KIRREL3: variants seen among roughly 807,000 people sequenced by gnomAD.
The protein encoded by KIRREL3 is kin of IRRE-like protein 3.
KIRREL3 carries 36 observed loss-of-function variants against 89.7 expected under a neutral mutation model. The observed-to-expected ratio is 0.40, with a 90% CI of 0.31 to 0.53. KIRREL3 has a LOEUF of 0.53. KIRREL3 is among the 20% of genes least tolerant of loss of function. KIRREL3 has a pLI of 0.49. For missense variants in KIRREL3, 864 were observed against 1,056.6 expected, an observed-to-expected ratio of 0.82 and a Z score of 2.53; for synonymous variants, 445 against 441.4, an observed-to-expected ratio of 1.01 and a Z score of -0.10.
intron 1 of KIRREL3, among the ~76,000 whole-genome samples, chr11:126,801,557 G>C (rs1172748480): frequency 6.6e-6 from 1 of 152,168 alleles, no homozygotes; most frequent in Admixed American, 6.5e-5. Flanking sequence ...GCAGTGCAAA[G>C]AGCGCATGGT....
At chr11:126,725,739 G>A (rs904590849) in intron 1 of KIRREL3, among the ~76,000 whole-genome samples, 1 of 152,184 alleles carries the variant, frequency 6.6e-6, no homozygotes, top group Non-Finnish European at 1.5e-5. Flanking sequence ...GGCTGGTGGA[G>A]CTCTGTGGCC....
In KIRREL3 at chr11:126,985,533, A is replaced by T. The variant is rs1207020954; in HGVS notation, c.55+14922T>A. Among the ~76,000 whole-genome samples, 2 of 152,136 alleles carry T rather than the reference A, an allele frequency of 1.3e-5. No homozygotes were observed. The highest frequency in any genetic ancestry group is 2.9e-5 in the Non-Finnish European group (2 of 68,018). On this transcript the variant is annotated intron_variant, in intron 1 of 16. Transcript: ENST00000525144. The surrounding 1 kb of genome is among the most constrained non-coding windows in gnomAD (Gnocchi z 5.3). ...TCAAGGAAACTTCCACCAGGAGGCA[A>T]AAGGAGCTGAGTCTTTAGGGTAGAA...
At chr11:126,453,238 A>G (rs973127368) in intron 7 of KIRREL3, among the ~76,000 whole-genome samples, 33 of 151,874 alleles carry the variant, frequency 2.2e-4, no homozygotes, top group Non-Finnish European at 1.5e-4. Context: ...CCTCAAATAG[A>G]CCAAGGTTTC....
chr11:126,562,780 G>A lies in KIRREL3; in HGVS notation c.133+55C>T. The A allele has an allele frequency of 6.9e-6, 10 of 1,451,202 alleles. No homozygotes were observed. The Middle Eastern group carries it at 6.9e-4, about 101-fold the overall frequency. 89.9% of individuals were successfully genotyped at this position (1,451,202 alleles called of 1,614,324 possible). On this transcript the variant is annotated intron_variant, in intron 2 of 16. Transcript: ENST00000525144. This position sits in a 1 kb window ranked among gnomAD's most constrained non-coding sequence, Gnocchi z 4.7. ...GGTTCCTCTGTCCTGTGGCTGTAGG[G>A]GAGAGCTTCCTCCCTCCAGATTACT...
At chr11:126,693,191 G>T (rs1442051090) in intron 1 of KIRREL3, among the ~76,000 whole-genome samples, 1 of 152,220 alleles carries the variant, frequency 6.6e-6, no homozygotes, top group East Asian at 1.9e-4. Flanking sequence ...GGCGAAGGCA[G>T]GCAGACTGCC....
At position 126,508,024 on chromosome 11, in the gene KIRREL3, G is replaced by T. The variant is rs1051358483; in HGVS notation, c.433+13291C>A. ...AGGGGAAGGGAGCAGTGGGATTGGG[G>T]GTAGGGCAGAGATAGTCCTTCCTGG... On this transcript the variant is annotated intron_variant, in intron 4 of 16. Transcript: ENST00000525144. The surrounding 1 kb of genome is among the most constrained non-coding windows in gnomAD (Gnocchi z 4.9). 2.0e-5 allele frequency among the ~76,000 whole-genome samples: 3 copies of T among 152,166 alleles called. No individual in the cohort carries two copies. Among genetic ancestry groups the T allele is most frequent in the South Asian group, 4.1e-4 (2 of 4,824 alleles).
chr11:126,617,166 G>A (rs1308368909), intron 1 of KIRREL3, among the ~76,000 whole-genome samples: 2 of 152,228 alleles, frequency 1.3e-5, no homozygotes, highest in East Asian at 1.9e-4. Flanking sequence ...CGAGGCTGAG[G>A]TTGCAGACAG....
At chr11:126,854,349 C>T (rs1474614359) in intron 1 of KIRREL3, among the ~76,000 whole-genome samples, 1 of 152,146 alleles carries the variant, frequency 6.6e-6, no homozygotes, top group Non-Finnish European at 1.5e-5. Context: ...CACCCATCTC[C>T]AGAAAGTCTG....
intron 5 of KIRREL3, among the ~76,000 whole-genome samples, chr11:126,468,206 T>TG (rs1294248861): frequency 6.6e-6 from 1 of 152,128 alleles, no homozygotes; most frequent in Admixed American, 6.5e-5. Context: ...TGTGTGGACT[T>TG]GGGGGCTTTC....
At chr11:126,738,510 C>G (rs571809467) in intron 1 of KIRREL3, among the ~76,000 whole-genome samples, 1 of 152,120 alleles carries the variant, frequency 6.6e-6, no homozygotes, top group Non-Finnish European at 1.5e-5. Flanking sequence ...TAATGGAGTC[C>G]GTTAGTATTC....
rs1015977389 is a variant in KIRREL3 at position 126,676,317 on chromosome 11, C to A, written c.56-113405G>T. Among the ~76,000 whole-genome samples the A allele has an allele frequency of 4.6e-5, 7 of 152,114 alleles. No homozygotes were observed. The highest frequency in any genetic ancestry group is 1.7e-4 in the African/African-American group (7 of 41,430). ...CCGAGGCAGAGAAGCTTCTGGAGGG[C>A]AGAGACTGAGAAGATGCTTTCATAG... On this transcript the variant is annotated intron_variant, in intron 1 of 16. Coordinates refer to ENST00000525144, the MANE Select transcript of KIRREL3 (RefSeq NM_032531.4). The surrounding 1 kb of genome is among the most constrained non-coding windows in gnomAD (Gnocchi z 4.5).
chr11:126,712,259 G>A (rs1262286668), intron 1 of KIRREL3, among the ~76,000 whole-genome samples: 1 of 93,348 alleles, frequency 1.1e-5, no homozygotes, highest in African/African-American at 4.2e-5. Flanking sequence ...CTCCAGATAA[G>A]GGCGAGTGTG....
At position 126,587,697 on chromosome 11, in the gene KIRREL3, G is replaced by A. The variant is rs1355642665; in HGVS notation, c.56-24785C>T. On this transcript the variant is annotated intron_variant, in intron 1 of 16. Coordinates refer to ENST00000525144, the MANE Select transcript of KIRREL3 (RefSeq NM_032531.4). The surrounding 1 kb of genome is among the most constrained non-coding windows in gnomAD (Gnocchi z 5.2). ...ATTCATTTAACATATTTCTGTCTCT[G>A]AATGGCTTTTACTTTTCACTAAATT... 6.6e-6 allele frequency among the ~76,000 whole-genome samples: 1 copy of A among 152,160 alleles called. No homozygotes were observed. The highest frequency in any genetic ancestry group is 1.9e-4 in the East Asian group (1 of 5,200).
intron 15 of KIRREL3, among the ~76,000 whole-genome samples, chr11:126,426,734 A>T (rs1163674989): frequency 6.6e-6 from 1 of 152,032 alleles, no homozygotes; most frequent in South Asian, 2.1e-4. Flanking sequence ...CTGGGCCGGG[A>T]TGTTTCTTCT....
At chr11:126,809,686 A>T (rs1225425475) in intron 1 of KIRREL3, among the ~76,000 whole-genome samples, 1 of 152,206 alleles carries the variant, frequency 6.6e-6, no homozygotes, top group Non-Finnish European at 1.5e-5. Flanking sequence ...CTTAGAGGTT[A>T]GGGGCACAGT....
chr11:126,557,627 A>G lies in KIRREL3; in HGVS notation c.133+5208T>C, dbSNP rs1939800085. On this transcript the variant is annotated intron_variant, in intron 2 of 16. Transcript: ENST00000525144. This position sits in a 1 kb window ranked among gnomAD's most constrained non-coding sequence, Gnocchi z 5.6. ...TCTTTCTATACGAGGAAACAGTAGA[A>G]GCTTTAGACTCATTTTTTTATTAGT... Among the ~76,000 whole-genome samples the G allele has an allele frequency of 6.6e-6, 1 of 152,202 alleles. No homozygotes were observed. The highest frequency in any genetic ancestry group is 1.9e-4 in the East Asian group (1 of 5,196).
At position 126,459,710 on chromosome 11, in the gene KIRREL3, C is replaced by T. The variant is rs1956483145; in HGVS notation, c.743-3256G>A. On this transcript the variant is annotated intron_variant, in intron 6 of 16. Transcript: ENST00000525144. This position sits in a 1 kb window ranked among gnomAD's most constrained non-coding sequence, Gnocchi z 4.8. The stretch of plus-strand genomic sequence containing the variant: ...GCTGAGAGTCTGTTAGTGTTTCCAT[C>T]CGCCCGTGTGTGCGTGTGTCCATGT... Among the ~76,000 whole-genome samples the T allele has an allele frequency of 6.6e-6, 1 of 152,122 alleles. No individual in the cohort carries two copies. Among genetic ancestry groups the T allele is most frequent in the African/African-American group, 2.4e-5 (1 of 41,416 alleles).
At chr11:126,781,873 G>A (rs1050483794) in intron 1 of KIRREL3, among the ~76,000 whole-genome samples, 1 of 152,136 alleles carries the variant, frequency 6.6e-6, no homozygotes, top group Non-Finnish European at 1.5e-5. Context: ...CCACTTATAC[G>A]ATAGATTTTC....
rs1950090746 is a variant in KIRREL3 at position 126,773,813 on chromosome 11, T to C, written c.56-210901A>G. Among the ~76,000 whole-genome samples the C allele has an allele frequency of 6.6e-6, 1 of 152,220 alleles. No homozygotes were observed. The highest frequency in any genetic ancestry group is 2.1e-4 in the South Asian group (1 of 4,832). ...TAGTGTTTAGTGAGTGATGCATAGA[T>C]GAAAAGTAAAAACAGAATGTGATTC... is the stretch of plus-strand genomic sequence containing the variant. On this transcript the variant is annotated intron_variant, in intron 1 of 16. Coordinates refer to ENST00000525144, the MANE Select transcript of KIRREL3 (RefSeq NM_032531.4). The surrounding 1 kb of genome is among the most constrained non-coding windows in gnomAD (Gnocchi z 4.2).
Sources: gnomAD v4.1 joint callset for allele counts (sites outside exome capture counted in the v4.1 genomes callset) on GRCh38, gnomAD v4.1.1 for gene constraint, Gnocchi (gnomAD v3.1) non-coding constraint, MANE v1.5 for transcripts, NCBI Gene and HGNC (gene_info 2026-07-23, HGNC 2026-07-21) for gene names.